NRXN3: variants seen among roughly 807,000 people sequenced by gnomAD.
NRXN3 encodes the protein neurexin 3.
NRXN3 carries 32 observed loss-of-function variants against 137.6 expected under a neutral mutation model. The observed-to-expected ratio is 0.23, with a 90% CI of 0.18 to 0.31. The LOEUF (loss-of-function observed/expected upper bound fraction) is 0.31. Ranked by LOEUF, NRXN3 falls within the 10% of genes least tolerant of loss-of-function variation. The pLI, the probability that NRXN3 is intolerant of heterozygous loss-of-function variation, is 1.00. For missense variants in NRXN3, 1,574 were observed against 2,062.5 expected, an observed-to-expected ratio of 0.76 and a Z score of 4.59; for synonymous variants, 798 against 784.5, an observed-to-expected ratio of 1.02 and a Z score of -0.29.
chr14:79,204,237 A>G (rs936421122), intron 15 of NRXN3, among the ~76,000 whole-genome samples: 6 of 151,860 alleles, frequency 4.0e-5, no homozygotes, highest in African/African-American at 1.2e-4. Context: ...AGTTACATTT[A>G]TAATTGTGAA....
intron 15 of NRXN3, among the ~76,000 whole-genome samples, chr14:79,133,566 T>C (rs1014950731): frequency 1.3e-5 from 2 of 152,204 alleles, no homozygotes; most frequent in Non-Finnish European, 2.9e-5. Flanking sequence ...TGTGTATAGA[T>C]TGTGTATGTG....
chr14:79,151,182 G>A (rs2059765726), intron 15 of NRXN3, among the ~76,000 whole-genome samples: 1 of 152,010 alleles, frequency 6.6e-6, no homozygotes. Context: ...AAAGTGCCAG[G>A]ATATTAAGCC....
chr14:78,358,153 AAGAG>A (rs1008187303), intron 4 of NRXN3, among the ~76,000 whole-genome samples: 18 of 152,136 alleles, frequency 1.2e-4, no homozygotes, highest in African/African-American at 4.3e-4. Flanking sequence ...ATTTTGGAAA[AAGAG>A]AGACAGAAAG....
At chr14:78,541,385 C>G (rs1411320626) in intron 4 of NRXN3, among the ~76,000 whole-genome samples, 1 of 152,174 alleles carries the variant, frequency 6.6e-6, no homozygotes, top group Non-Finnish European at 1.5e-5. Flanking sequence ...CACTGATACC[C>G]TTTCTTCCAC....
chr14:79,142,374 C>T (rs575347585), intron 15 of NRXN3, among the ~76,000 whole-genome samples: 42 of 151,066 alleles, frequency 2.8e-4, no homozygotes, highest in Middle Eastern at 3.2e-3. Context: ...TGCAGTGAGC[C>T]GAGATGGCGC....
chr14:79,707,754 T>C (rs1401422191), intron 19 of NRXN3, among the ~76,000 whole-genome samples: 1 of 152,164 alleles, frequency 6.6e-6, no homozygotes, highest in African/African-American at 2.4e-5. Flanking sequence ...AAAGTTTTAT[T>C]TTAACATTAT....
chr14:78,375,685 G>A (rs2087687371), intron 4 of NRXN3, among the ~76,000 whole-genome samples: 2 of 152,336 alleles, frequency 1.3e-5, no homozygotes, highest in South Asian at 4.1e-4. Context: ...TGTATAGAAA[G>A]TGTTGGCAAT....
chr14:78,180,304 A>G (rs2059695398), intron 1 of NRXN3, among the ~76,000 whole-genome samples: 1 of 152,234 alleles, frequency 6.6e-6, no homozygotes, highest in South Asian at 2.1e-4. Context: ...CTGAGGTTGG[A>G]AGAACAGCCA....
Position 78,173,561 on chromosome 14 carries a change from C to T in NRXN3, c.-704+2887C>T, listed in dbSNP as rs2058954140. 1.4e-5 allele frequency among the ~76,000 whole-genome samples: 2 copies of T among 145,190 alleles called. 1 individual carries two copies. Among genetic ancestry groups the T allele is most frequent in the South Asian group, 4.8e-4 (2 of 4,188 alleles). The stretch of plus-strand genomic sequence containing the variant: ...CACCACCAATCTCCCCCTCCATCCT[C>T]CCCCAATTCTGCCATGATCTTGCCT... On this transcript the variant is annotated intron_variant, in intron 1 of 20. Coordinates refer to ENST00000335750, the MANE Select transcript of NRXN3 (RefSeq NM_001330195.2).
intron 10 of NRXN3, among the ~76,000 whole-genome samples, chr14:78,863,389 T>C (rs529266340): frequency 6.6e-6 from 1 of 152,254 alleles, no homozygotes; most frequent in East Asian, 1.9e-4. Flanking sequence ...CCTTAGTCTC[T>C]GGGCTTGACC....
At chr14:78,500,485 A>G (rs2095859736) in intron 4 of NRXN3, among the ~76,000 whole-genome samples, 1 of 152,160 alleles carries the variant, frequency 6.6e-6, no homozygotes, top group South Asian at 2.1e-4. Context: ...CTGTGAAGAG[A>G]AGTTGCCTTC....
intron 10 of NRXN3, among the ~76,000 whole-genome samples, chr14:78,860,217 C>A (rs1166753697): frequency 6.6e-6 from 1 of 152,038 alleles, no homozygotes; most frequent in Non-Finnish European, 1.5e-5. Context: ...ACATTTAATT[C>A]TCATTATAAT....
intron 6 of NRXN3, among the ~76,000 whole-genome samples, chr14:78,676,183 G>T (rs567492989): frequency 6.6e-6 from 1 of 152,126 alleles, no homozygotes; most frequent in Non-Finnish European, 1.5e-5. Context: ...CACATTTCTC[G>T]CTTTAAATCA....
At chr14:78,404,644 C>A (rs1245525902) in intron 4 of NRXN3, among the ~76,000 whole-genome samples, 2 of 152,228 alleles carry the variant, frequency 1.3e-5, no homozygotes, top group Non-Finnish European at 1.5e-5. Context: ...GGCTTGAGAC[C>A]AGGGACTGTG....
At chr14:79,239,327 A>G (rs1229764254) in intron 15 of NRXN3, among the ~76,000 whole-genome samples, 2 of 152,130 alleles carry the variant, frequency 1.3e-5, no homozygotes, top group African/African-American at 4.8e-5. Flanking sequence ...AGAAGGGGGA[A>G]CTACTGTACA....
At chr14:79,232,860 A>G (rs2072503862) in intron 15 of NRXN3, among the ~76,000 whole-genome samples, 1 of 152,220 alleles carries the variant, frequency 6.6e-6, no homozygotes, top group Admixed American at 6.5e-5. Context: ...CATCAAGTGC[A>G]GGGCATAAAA....
intron 16 of NRXN3, among the ~76,000 whole-genome samples, chr14:79,589,994 A>G (rs1396956216): frequency 1.3e-5 from 2 of 152,208 alleles, no homozygotes; most frequent in Non-Finnish European, 2.9e-5. Context: ...ATTCACCAAA[A>G]CATGATAAGC....
At chr14:78,355,201 C>G (rs2084099696) in intron 4 of NRXN3, among the ~76,000 whole-genome samples, 2 of 152,132 alleles carry the variant, frequency 1.3e-5, no homozygotes, top group South Asian at 4.1e-4. Flanking sequence ...TCTCCCCTGC[C>G]AAAGTTTCCA....
At chr14:78,507,358 G>C (rs2096013396) in intron 4 of NRXN3, among the ~76,000 whole-genome samples, 1 of 152,146 alleles carries the variant, frequency 6.6e-6, no homozygotes. Context: ...CTGCAGATTT[G>C]GGGAAGTTTT....
Sources: gnomAD v4.1 joint callset for allele counts (sites outside exome capture counted in the v4.1 genomes callset) on GRCh38, gnomAD v4.1.1 for gene constraint, MANE v1.5 for transcripts, NCBI Gene and HGNC (gene_info 2026-07-23, HGNC 2026-07-21) for gene names.